Variants in SEMA5A observed in about 807,000 individuals in gnomAD.
SEMA5A encodes the protein semaphorin 5A.
Under a neutral mutation model 135.5 loss-of-function variants are expected in SEMA5A, and 55 were observed. The observed-to-expected ratio is 0.41, with a 90% confidence interval of 0.33 to 0.51. The LOEUF (loss-of-function observed/expected upper bound fraction) is 0.51, where lower values mean the gene tolerates loss of function less well. SEMA5A is among the 20% of genes least tolerant of loss of function. The pLI is 0.37. For synonymous variants in SEMA5A, 580 were observed against 546.5 expected (o/e 1.06, Z -0.85); for missense variants, 1,290 against 1,419.9 (o/e 0.91, Z 1.47).
chr5:9,496,606 G>A (rs1735314669), intron 1 of SEMA5A, among the ~76,000 whole-genome samples: 1 of 152,074 alleles, frequency 6.6e-6, no homozygotes, highest in Non-Finnish European at 1.5e-5. Flanking sequence ...CAGAAAATAT[G>A]TCTAATTCAA....
At chr5:9,090,151 C>A (rs888398904) in intron 16 of SEMA5A, among the ~76,000 whole-genome samples, 1 of 152,170 alleles carries the variant, frequency 6.6e-6, no homozygotes, top group Admixed American at 6.5e-5. Context: ...ACCTCTTAAA[C>A]CCTGAGTCTT....
chr5:9,397,550 G>C (rs560954371), intron 2 of SEMA5A, among the ~76,000 whole-genome samples: 1 of 152,290 alleles, frequency 6.6e-6, no homozygotes, highest in Admixed American at 6.5e-5. Flanking sequence ...TGAACATCTG[G>C]AGAAAAACAC....
chr5:9,196,011 C>T (rs1313946502), intron 10 of SEMA5A, among the ~76,000 whole-genome samples: 2 of 152,252 alleles, frequency 1.3e-5, no homozygotes, highest in Admixed American at 6.5e-5. Flanking sequence ...ACTGTCTTTC[C>T]CTGCACATGG....
At chr5:9,268,249 G>T (rs1038457266) in intron 5 of SEMA5A, among the ~76,000 whole-genome samples, 1 of 152,108 alleles carries the variant, frequency 6.6e-6, no homozygotes, top group African/African-American at 2.4e-5. Flanking sequence ...CACTTGGGAT[G>T]ATCCTCAAAT....
At chr5:9,339,863 A>G (rs1349919028) in intron 3 of SEMA5A, among the ~76,000 whole-genome samples, 2 of 152,230 alleles carry the variant, frequency 1.3e-5, no homozygotes, top group Non-Finnish European at 1.5e-5. Context: ...AGAGAATGGA[A>G]GGAAAAGTAG....
chr5:9,331,708 T>C (rs1753137530), intron 4 of SEMA5A, among the ~76,000 whole-genome samples: 1 of 152,234 alleles, frequency 6.6e-6, no homozygotes, highest in South Asian at 2.1e-4. Flanking sequence ...GGAAGTCTGG[T>C]GATGCTTGAT....
At position 9,455,255 on chromosome 5, in the gene SEMA5A, TTA is replaced by T. The variant is rs1322691471; in HGVS notation, c.-174-17405_-174-17404del. On this transcript the variant is annotated intron_variant, in intron 1 of 22. Coordinates refer to ENST00000382496, the MANE Select transcript of SEMA5A (RefSeq NM_003966.3). ...ATTTATTTTATTTTATTTTATTTAT[TTA>T]TTTTTTTTTTTTTTTTGAGACAGAA... 1.9e-4 allele frequency among the ~76,000 whole-genome samples: 26 copies of T among 138,840 alleles called. 1 individual carries two copies. The highest frequency in any genetic ancestry group is 8.0e-4 in the African/African-American group (26 of 32,646). The allele number at this position is 138,840 out of a possible 152,430, so 91.1% of individuals were successfully genotyped here.
At chr5:9,117,505 C>A (rs1740582020) in intron 15 of SEMA5A, among the ~76,000 whole-genome samples, 1 of 152,164 alleles carries the variant, frequency 6.6e-6, no homozygotes, top group Admixed American at 6.5e-5. Context: ...ATACAAAATT[C>A]ATTCATTCAC....
At chr5:9,468,255 T>A (rs1759336721) in intron 1 of SEMA5A, among the ~76,000 whole-genome samples, 1 of 152,192 alleles carries the variant, frequency 6.6e-6, no homozygotes. Context: ...ACAGTAATTT[T>A]GCCCAATTAG....
intron 1 of SEMA5A, among the ~76,000 whole-genome samples, chr5:9,538,223 A>C (rs1395639828): frequency 1.4e-5 from 2 of 145,370 alleles, no homozygotes; most frequent in African/African-American, 5.0e-5. Flanking sequence ...GTGCCAAAGC[A>C]GAATGGAAAG....
At chr5:9,403,697 A>G (rs1396664111) in intron 2 of SEMA5A, among the ~76,000 whole-genome samples, 3 of 152,118 alleles carry the variant, frequency 2.0e-5, no homozygotes, top group Non-Finnish European at 4.4e-5. Context: ...AAATGAGCCA[A>G]TCCTCTTTGC....
intron 21 of SEMA5A, among the ~76,000 whole-genome samples, chr5:9,049,689 G>A (rs771909182): frequency 2.6e-5 from 4 of 152,184 alleles, no homozygotes; most frequent in Admixed American, 6.5e-5. Flanking sequence ...ACATTGGCTC[G>A]GATTCTGAAA....
At chr5:9,090,071 G>T (rs972059891) in intron 16 of SEMA5A, among the ~76,000 whole-genome samples, 3 of 152,142 alleles carry the variant, frequency 2.0e-5, no homozygotes, top group Admixed American at 1.3e-4. Context: ...AATTTACTCT[G>T]TACAAGATTG....
At chr5:9,303,081 C>T (rs1709070999) in intron 5 of SEMA5A, among the ~76,000 whole-genome samples, 1 of 149,640 alleles carries the variant, frequency 6.7e-6, no homozygotes, top group African/African-American at 2.4e-5. Context: ...AACTTAAATA[C>T]ACACACACAC....
intron 11 of SEMA5A, among the ~76,000 whole-genome samples, chr5:9,174,795 A>C (rs1744116081): frequency 6.6e-6 from 1 of 152,192 alleles, no homozygotes; most frequent in Non-Finnish European, 1.5e-5. Context: ...TGCACCAGTA[A>C]ATACAGCCCA....
intron 11 of SEMA5A, among the ~76,000 whole-genome samples, chr5:9,165,494 G>C (rs1743554847): frequency 6.6e-6 from 1 of 152,154 alleles, no homozygotes; most frequent in South Asian, 2.1e-4. Context: ...AATTAAACGT[G>C]TGAGGAAGAC....
intron 5 of SEMA5A, among the ~76,000 whole-genome samples, chr5:9,282,769 C>G (rs1184381179): frequency 2.0e-5 from 3 of 152,158 alleles, no homozygotes; most frequent in Non-Finnish European, 2.9e-5. Flanking sequence ...CCCCATCCCA[C>G]AGCATCAATC....
At chr5:9,183,383 CT>C (rs1274210857) in intron 11 of SEMA5A, among the ~76,000 whole-genome samples, 1 of 152,198 alleles carries the variant, frequency 6.6e-6, no homozygotes, top group Non-Finnish European at 1.5e-5. Flanking sequence ...TGGGCTGCAG[CT>C]ACCAGCTCTT....
intron 5 of SEMA5A, among the ~76,000 whole-genome samples, chr5:9,313,656 G>T (rs1185530737): frequency 3.9e-5 from 6 of 152,128 alleles, no homozygotes; most frequent in Non-Finnish European, 7.4e-5. Context: ...ATAAGTACTA[G>T]TCAGAAGTAA....
Sources: allele counts gnomAD v4.1 joint callset (sites outside exome capture counted in the v4.1 genomes callset), GRCh38; gene constraint gnomAD v4.1.1; transcripts MANE v1.5; gene names NCBI Gene and HGNC (gene_info 2026-07-23, HGNC 2026-07-21).